Variants in WAPL observed in about 807,000 individuals in gnomAD.
The protein encoded by WAPL is wings apart-like protein homolog.
WAPL carries 5 observed loss-of-function variants against 121.0 expected under a neutral mutation model. That is an observed-to-expected ratio of 0.04 (90% CI 0.02 to 0.09). The LOEUF is 0.09. WAPL is among the 10% of genes least tolerant of loss of function. The pLI is 1.00. For synonymous variants in WAPL, 480 were observed against 481.5 expected, an observed-to-expected ratio of 1.00 and a Z score of 0.04; for missense variants, 999 against 1,410.8, an observed-to-expected ratio of 0.71 and a Z score of 4.68.
At chr10:86,454,759 C>T (rs904109208) in intron 12 of WAPL, among the ~76,000 whole-genome samples, 6 of 151,738 alleles carry the variant, frequency 4.0e-5, no homozygotes, top group African/African-American at 1.5e-4. Context: ...AGTGCCTCTT[C>T]CCAGCCGCCA....
At chr10:86,513,979 G>C (rs556196664) in intron 2 of WAPL, among the ~76,000 whole-genome samples, 3 of 152,300 alleles carry the variant, frequency 2.0e-5, no homozygotes, top group East Asian at 3.9e-4. Flanking sequence ...ATGAATACTT[G>C]CATCTGGAGA....
intron 1 of WAPL, 82 bp downstream of exon 1, chr10:86,521,283 T>G: frequency 4.1e-6 from 1 of 243,994 alleles, no homozygotes; most frequent in Non-Finnish European, 8.1e-6. Context: ...CAGTGAGACT[T>G]CCACCGCCCG....
intron 2 of WAPL, among the ~76,000 whole-genome samples, chr10:86,506,851 G>A (rs958882156): frequency 7.2e-5 from 11 of 151,890 alleles, no homozygotes; most frequent in African/African-American, 2.4e-4. Context: ...CCCTACACTG[G>A]ACTAAGGGTG....
At chr10:86,460,793 A>G (rs918876103) in intron 10 of WAPL, among the ~76,000 whole-genome samples, 1 of 151,672 alleles carries the variant, frequency 6.6e-6, no homozygotes, top group African/African-American at 2.4e-5. Context: ...GGCTCACTGC[A>G]ACCTCCACCT....
At chr10:86,492,763 A>ACCATCAGGG (rs1455160295) in intron 4 of WAPL, among the ~76,000 whole-genome samples, 1 of 152,040 alleles carries the variant, frequency 6.6e-6, no homozygotes, top group Non-Finnish European at 1.5e-5. Flanking sequence ...CTCTTAAAAA[A>ACCATCAGGG]CCATCAGGGC....
chr10:86,482,428 G>C (rs951179064), intron 4 of WAPL, among the ~76,000 whole-genome samples: 1 of 152,166 alleles, frequency 6.6e-6, no homozygotes, highest in Non-Finnish European at 1.5e-5. Flanking sequence ...ATATGTATAC[G>C]TGCATGTTTC....
chr10:86,495,982 C>G (rs1454022371), intron 4 of WAPL, among the ~76,000 whole-genome samples: 1 of 152,062 alleles, frequency 6.6e-6, no homozygotes, highest in Non-Finnish European at 1.5e-5. Flanking sequence ...AGCATGGTGT[C>G]ACATGCGTGT....
chr10:86,505,054 T>TA (rs1842319149), intron 2 of WAPL, among the ~76,000 whole-genome samples: 3 of 152,062 alleles, frequency 2.0e-5, no homozygotes, highest in Non-Finnish European at 1.5e-5. Flanking sequence ...AGCATTTGAT[T>TA]AAAAAAATAA....
chr10:86,479,127 A>C (rs948206418), intron 4 of WAPL, among the ~76,000 whole-genome samples: 2 of 152,170 alleles, frequency 1.3e-5, no homozygotes, highest in Middle Eastern at 3.4e-3. Context: ...AAAAAAAACA[A>C]AACAACAACA....
intron 4 of WAPL, among the ~76,000 whole-genome samples, chr10:86,483,488 T>C (rs1222662514): frequency 6.6e-6 from 1 of 152,078 alleles, no homozygotes; most frequent in Admixed American, 6.6e-5. Context: ...TGAATGACTA[T>C]TAACAATAGC....
chr10:86,462,427 T>G (rs554736786), intron 9 of WAPL, among the ~76,000 whole-genome samples: 40 of 152,152 alleles, frequency 2.6e-4, no homozygotes, highest in Middle Eastern at 3.4e-3. Context: ...TTAAAAAAGT[T>G]GTTCTCGGCC....
At chr10:86,511,391 G>A (rs1422324832) in intron 2 of WAPL, among the ~76,000 whole-genome samples, 1 of 152,210 alleles carries the variant, frequency 6.6e-6, no homozygotes, top group Non-Finnish European at 1.5e-5. Context: ...CCAACATCAA[G>A]ATAAAACTGC....
At chr10:86,471,675 G>C (rs907362645) in intron 7 of WAPL, among the ~76,000 whole-genome samples, 3 of 151,858 alleles carry the variant, frequency 2.0e-5, no homozygotes, top group Admixed American at 1.3e-4. Flanking sequence ...TGTTTTTGGA[G>C]ACAGGGCCTC....
intron 15 of WAPL, among the ~76,000 whole-genome samples, chr10:86,449,409 A>G (rs1425769178): frequency 2.0e-5 from 3 of 152,246 alleles, no homozygotes; most frequent in Non-Finnish European, 4.4e-5. Flanking sequence ...TGAAAAACAA[A>G]AACTTTAAAC....
intron 17 of WAPL, among the ~76,000 whole-genome samples, chr10:86,439,932 TTGTC>T (rs1241583437): frequency 1.3e-5 from 2 of 152,266 alleles, no homozygotes; most frequent in Non-Finnish European, 2.9e-5. Flanking sequence ...ACATGCTTTC[TTGTC>T]TATCTCTTTT....
chr10:86,466,478 G>C (rs1180771479), intron 9 of WAPL, among the ~76,000 whole-genome samples: 1 of 152,110 alleles, frequency 6.6e-6, no homozygotes, highest in Non-Finnish European at 1.5e-5. Flanking sequence ...GCTGAGGTGG[G>C]AGGATCACTT....
chr10:86,487,600 T>C (rs994270418), intron 4 of WAPL, among the ~76,000 whole-genome samples: 2 of 152,092 alleles, frequency 1.3e-5, no homozygotes, highest in African/African-American at 4.8e-5. Context: ...TAAGAGTTCA[T>C]GCTTTCTGGG....
intron 4 of WAPL, among the ~76,000 whole-genome samples, chr10:86,487,516 A>G (rs1318529196): frequency 6.6e-6 from 1 of 152,182 alleles, no homozygotes; most frequent in African/African-American, 2.4e-5. Context: ...TTTCTGAGTC[A>G]GCCCTCAATC....
At chr10:86,499,125 A>ACAT (rs1263759231) in intron 3 of WAPL, among the ~76,000 whole-genome samples, 1 of 152,194 alleles carries the variant, frequency 6.6e-6, no homozygotes, top group Admixed American at 6.6e-5. Flanking sequence ...TGCCCCATAC[A>ACAT]CATATATGCT....
Sources: allele counts gnomAD v4.1 joint callset (sites outside exome capture counted in the v4.1 genomes callset), GRCh38; gene constraint gnomAD v4.1.1; transcripts MANE v1.5; gene names NCBI Gene and HGNC (gene_info 2026-07-23, HGNC 2026-07-21).